Variants in TRHDE observed in about 807,000 individuals in gnomAD.
TRHDE encodes the protein thyrotropin releasing hormone degrading enzyme.
Under a neutral mutation model 125.7 loss-of-function variants are expected in TRHDE, and 72 were observed. That is an observed-to-expected ratio of 0.57 (90% CI 0.47 to 0.70). TRHDE has a LOEUF of 0.70. Ranked by LOEUF, TRHDE falls within the 30% of genes least tolerant of loss-of-function variation. The pLI is 0.00. For missense variants in TRHDE, 1,110 were observed against 1,327.1 expected, an observed-to-expected ratio of 0.84 and a Z score of 2.54; for synonymous variants, 509 against 509.1, an observed-to-expected ratio of 1.00 and a Z score of 0.00.
chr12:72,113,589 C>T (rs1875372743), intron 2 of TRHDE, among the ~76,000 whole-genome samples: 1 of 151,986 alleles, frequency 6.6e-6, no homozygotes, highest in Non-Finnish European at 1.5e-5. Flanking sequence ...TGAGCCACCG[C>T]ACCCAATTCC....
intron 15 of TRHDE, among the ~76,000 whole-genome samples, chr12:72,645,076 T>C (rs542170576): frequency 1.3e-5 from 2 of 152,230 alleles, no homozygotes; most frequent in South Asian, 4.1e-4. Context: ...AGACATGAAC[T>C]GATAGTCAGA....
intron 17 of TRHDE, among the ~76,000 whole-genome samples, chr12:72,654,780 CTCTT>C (rs1437124069): frequency 2.6e-5 from 4 of 152,228 alleles, no homozygotes; most frequent in South Asian, 2.1e-4. Context: ...AATTATTCCT[CTCTT>C]TTTTTGTGAC....
chr12:72,088,888 T>C (rs1412625924), intron 1 of TRHDE, among the ~76,000 whole-genome samples: 3 of 152,084 alleles, frequency 2.0e-5, no homozygotes, highest in Non-Finnish European at 4.4e-5. Flanking sequence ...ATCCATATGC[T>C]AATTCCTAAA....
chr12:72,468,983 T>C (rs190072583), intron 3 of TRHDE, among the ~76,000 whole-genome samples: 108 of 152,360 alleles, frequency 7.1e-4, no homozygotes, highest in Middle Eastern at 3.4e-3. Context: ...TAACCAGAAG[T>C]TGATAACACC....
chr12:72,542,979 A>G (rs189905328), intron 7 of TRHDE, among the ~76,000 whole-genome samples: 3 of 151,456 alleles, frequency 2.0e-5, no homozygotes, highest in African/African-American at 7.2e-5. Context: ...AAGTATACTG[A>G]AAAAACTTTT....
chr12:72,542,694 A>G lies in TRHDE; in HGVS notation c.1788+338A>G, dbSNP rs549321205. 7.9e-5 allele frequency among the ~76,000 whole-genome samples: 12 copies of G among 151,418 alleles called. No individual in the cohort carries two copies. The South Asian group carries it at 2.5e-3, about 31-fold the overall frequency. On this transcript the variant is annotated intron_variant, in intron 7 of 18. Transcript: ENST00000261180. Reference sequence around the variant, plus strand: ...TAAAGATTCAAATAAGGTGAAACAAATTTTGTTAGTGTTATTCGAATTATG... The same window carrying G: ...TAAAGATTCAAATAAGGTGAAACAAGTTTTGTTAGTGTTATTCGAATTATG...
intron 12 of TRHDE, among the ~76,000 whole-genome samples, chr12:72,613,907 AT>A (rs1380862634): frequency 6.6e-6 from 1 of 152,130 alleles, no homozygotes; most frequent in Non-Finnish European, 1.5e-5. Context: ...TTGGCTCACA[AT>A]TTTGCAGGAT....
intron 15 of TRHDE, among the ~76,000 whole-genome samples, chr12:72,636,927 TG>T (rs1479847341): frequency 6.6e-6 from 1 of 152,158 alleles, no homozygotes; most frequent in East Asian, 1.9e-4. Flanking sequence ...TGAGGATTTT[TG>T]CATCAATGTT....
intron 2 of TRHDE, among the ~76,000 whole-genome samples, chr12:72,167,812 G>A (rs539657888): frequency 1.1e-4 from 16 of 152,320 alleles, no homozygotes; most frequent in African/African-American, 3.8e-4. Context: ...TATATCAAAT[G>A]TCCTACTTAT....
intron 15 of TRHDE, among the ~76,000 whole-genome samples, chr12:72,637,885 C>G (rs374789556): frequency 1.9e-4 from 29 of 152,042 alleles, no homozygotes; most frequent in African/African-American, 5.8e-4. Context: ...GTTATAATTT[C>G]TGTTCTTTTA....
intron 2 of TRHDE, among the ~76,000 whole-genome samples, chr12:72,115,942 T>C (rs1257353072): frequency 6.6e-6 from 1 of 152,196 alleles, no homozygotes; most frequent in Non-Finnish European, 1.5e-5. Flanking sequence ...GCTGCACCTA[T>C]CAACCTGTCA....
Position 72,177,122 on chromosome 12 carries a change from G to C in TRHDE, n.279+71370G>C, listed in dbSNP as rs146800965. Among the ~76,000 whole-genome samples the C allele has an allele frequency of 7.9e-3, 1,201 of 151,408 alleles. 9 individuals are homozygous for C. The highest frequency in any genetic ancestry group is 0.012 in the Non-Finnish European group (831 of 67,854). ...TGATATGTGTCGGAGCATCACCAAA[G>C]GTTTTTTTTTTTATTGGAAATTGCT... On this transcript the variant is annotated intron_variant and non_coding_transcript_variant, in intron 2 of 4. Transcript: ENST00000548156.
At chr12:72,607,518 T>C (rs1312615409) in intron 12 of TRHDE, among the ~76,000 whole-genome samples, 2 of 150,624 alleles carry the variant, frequency 1.3e-5, no homozygotes, top group African/African-American at 2.4e-5. Flanking sequence ...TACAGTTTTT[T>C]TTAAAAAGTC....
At chr12:72,130,163 G>T (rs1158943685) in intron 2 of TRHDE, among the ~76,000 whole-genome samples, 1 of 152,154 alleles carries the variant, frequency 6.6e-6, no homozygotes, top group Non-Finnish European at 1.5e-5. Context: ...AGCCAGGCGC[G>T]GTGGTGGGTG....
At chr12:72,148,414 G>A (rs1876277830) in intron 2 of TRHDE, among the ~76,000 whole-genome samples, 1 of 152,000 alleles carries the variant, frequency 6.6e-6, no homozygotes, top group Non-Finnish European at 1.5e-5. Flanking sequence ...AAATCACTGG[G>A]CATAACAAAT....
At chr12:72,440,237 TTGTC>T (rs1874937393) in intron 3 of TRHDE, among the ~76,000 whole-genome samples, 2 of 152,014 alleles carry the variant, frequency 1.3e-5, no homozygotes, top group South Asian at 2.1e-4. Context: ...TGCAGTGTCT[TTGTC>T]TGGCTTTGGT....
intron 1 of TRHDE, among the ~76,000 whole-genome samples, chr12:72,279,019 A>G (rs1879596254): frequency 6.6e-6 from 1 of 152,012 alleles, no homozygotes; most frequent in Non-Finnish European, 1.5e-5. Context: ...ATTCAATGCA[A>G]CTCCAAACTG....
intron 1 of TRHDE, among the ~76,000 whole-genome samples, chr12:72,104,686 C>T (rs1330751881): frequency 6.6e-6 from 1 of 152,142 alleles, no homozygotes; most frequent in Non-Finnish European, 1.5e-5. Flanking sequence ...CTGAAAATAG[C>T]CTGGCTGTGG....
At chr12:72,580,334 T>TGCA in intron 12 of TRHDE, among the ~76,000 whole-genome samples, 1 of 152,342 alleles carries the variant, frequency 6.6e-6, no homozygotes, top group East Asian at 1.9e-4. Flanking sequence ...TTTCAATGCT[T>TGCA]GCAGTTAGGT....
Sources: allele counts gnomAD v4.1 joint callset (sites outside exome capture counted in the v4.1 genomes callset), GRCh38; gene constraint gnomAD v4.1.1; transcripts MANE v1.5; gene names NCBI Gene and HGNC (gene_info 2026-07-23, HGNC 2026-07-21).